NXPH1: variants seen among roughly 807,000 people sequenced by gnomAD.
The protein encoded by NXPH1 is neurexophilin-1.
Under a neutral mutation model 23.7 loss-of-function variants are expected in NXPH1, and 5 were observed. The observed-to-expected ratio is 0.21, with a 90% CI of 0.11 to 0.44. NXPH1 has a LOEUF of 0.44. NXPH1 is among the 20% of genes least tolerant of loss of function. The pLI is 0.99. For missense variants in NXPH1, 324 were observed against 321.6 expected, an observed-to-expected ratio of 1.01 and a Z score of -0.06; for synonymous variants, 144 against 122.2, an observed-to-expected ratio of 1.18 and a Z score of -1.18.
intron 2 of NXPH1, among the ~76,000 whole-genome samples, chr7:8,748,668 G>C (rs988381652): frequency 6.6e-6 from 1 of 152,204 alleles, no homozygotes. Flanking sequence ...GATCACAGCA[G>C]ATGCAACTGT....
At chr7:8,485,567 C>A (rs1817145685) in intron 2 of NXPH1, among the ~76,000 whole-genome samples, 1 of 152,026 alleles carries the variant, frequency 6.6e-6, no homozygotes, top group Non-Finnish European at 1.5e-5. Flanking sequence ...TTCTCCGGGC[C>A]CCATGAGCTC....
chr7:8,709,990 G>A (rs1779762044), intron 2 of NXPH1, among the ~76,000 whole-genome samples: 1 of 152,172 alleles, frequency 6.6e-6, no homozygotes, highest in African/African-American at 2.4e-5. Context: ...TGCTAAGAGA[G>A]GGGTAATCAA....
chr7:8,579,657 C>T (rs1818828249), intron 2 of NXPH1, among the ~76,000 whole-genome samples: 1 of 152,172 alleles, frequency 6.6e-6, no homozygotes. Context: ...TAGGCGTGAG[C>T]CACCACGCCT....
At chr7:8,474,158 T>C (rs1416136718) in intron 2 of NXPH1, among the ~76,000 whole-genome samples, 2 of 152,162 alleles carry the variant, frequency 1.3e-5, no homozygotes, top group Non-Finnish European at 2.9e-5. Context: ...GATGTTTATT[T>C]TCCTTATTGT....
intron 2 of NXPH1, among the ~76,000 whole-genome samples, chr7:8,750,381 A>G (rs1780543221): frequency 6.6e-6 from 1 of 152,190 alleles, no homozygotes; most frequent in South Asian, 2.1e-4. Flanking sequence ...GGTTTGTTAC[A>G]CAAGCATACA....
At chr7:8,485,175 A>G (rs1817138617) in intron 2 of NXPH1, among the ~76,000 whole-genome samples, 1 of 152,104 alleles carries the variant, frequency 6.6e-6, no homozygotes, top group South Asian at 2.1e-4. Context: ...GTGATAGTGA[A>G]TGAGTCTCAT....
chr7:8,457,913 C>G (rs1816627768), intron 2 of NXPH1, among the ~76,000 whole-genome samples: 1 of 152,084 alleles, frequency 6.6e-6, no homozygotes, highest in South Asian at 2.1e-4. Flanking sequence ...TTTCAAGAAC[C>G]AAGGCCAGGA....
chr7:8,474,265 A>G (rs944127720), intron 2 of NXPH1, among the ~76,000 whole-genome samples: 1 of 152,078 alleles, frequency 6.6e-6, no homozygotes, highest in Non-Finnish European at 1.5e-5. Context: ...CTTTCTCTTC[A>G]GTTGGTGCAA....
intron 2 of NXPH1, among the ~76,000 whole-genome samples, chr7:8,679,114 A>C: frequency 6.6e-6 from 1 of 151,124 alleles, no homozygotes; most frequent in East Asian, 2.0e-4. Context: ...CGCCCGGCTA[A>C]TTTTTTGTAT....
At chr7:8,537,599 G>A (rs1305828627) in intron 2 of NXPH1, among the ~76,000 whole-genome samples, 2 of 151,914 alleles carry the variant, frequency 1.3e-5, no homozygotes, top group Admixed American at 6.6e-5. Context: ...CATGACACAT[G>A]GGGATTATGG....
intron 2 of NXPH1, among the ~76,000 whole-genome samples, chr7:8,453,628 T>C (rs1050078723): frequency 2.0e-5 from 3 of 152,178 alleles, no homozygotes; most frequent in East Asian, 3.8e-4. Flanking sequence ...ATATTGGTAC[T>C]ACTGCATCTC....
intron 2 of NXPH1, among the ~76,000 whole-genome samples, chr7:8,559,957 A>T (rs554138587): frequency 6.6e-6 from 1 of 151,706 alleles, no homozygotes; most frequent in Non-Finnish European, 1.5e-5. Flanking sequence ...GATTATTGAT[A>T]TCTACCATGA....
intron 2 of NXPH1, among the ~76,000 whole-genome samples, chr7:8,635,896 T>C (rs997568108): frequency 6.6e-6 from 1 of 152,186 alleles, no homozygotes; most frequent in Admixed American, 6.5e-5. Flanking sequence ...TGTGTACTAA[T>C]TGTACCTCCT....
intron 2 of NXPH1, among the ~76,000 whole-genome samples, chr7:8,526,661 A>T (rs1243467195): frequency 1.3e-5 from 2 of 152,160 alleles, no homozygotes; most frequent in Non-Finnish European, 2.9e-5. Context: ...AATAAGTCTC[A>T]TGAGATCTGA....
At chr7:8,678,961 TTTG>T (rs1562452137) in intron 2 of NXPH1, among the ~76,000 whole-genome samples, 392 of 87,886 alleles carry the variant, frequency 4.5e-3, no homozygotes, top group South Asian at 7.9e-3. Flanking sequence ...TTTTTTTTTT[TTTG>T]TTGAGACGGA....
chr7:8,736,931 A>G (rs188571753), intron 2 of NXPH1, among the ~76,000 whole-genome samples: 307 of 149,690 alleles, frequency 2.1e-3, no homozygotes, highest in Non-Finnish European at 3.0e-3. Flanking sequence ...CTGTTTTCTC[A>G]GAGACTAGGA....
At chr7:8,677,191 T>C (rs941250752) in intron 2 of NXPH1, among the ~76,000 whole-genome samples, 1 of 152,190 alleles carries the variant, frequency 6.6e-6, no homozygotes, top group Non-Finnish European at 1.5e-5. Context: ...AGGGCAGTTT[T>C]TGAAGAAATT....
intron 2 of NXPH1, among the ~76,000 whole-genome samples, chr7:8,617,528 G>A (rs773071726): frequency 1.3e-5 from 2 of 151,996 alleles, no homozygotes; most frequent in Non-Finnish European, 2.9e-5. Context: ...ACTGGAGATC[G>A]TTACATTAAG....
intron 2 of NXPH1, among the ~76,000 whole-genome samples, chr7:8,518,872 G>C (rs1401958010): frequency 6.6e-6 from 1 of 152,104 alleles, no homozygotes; most frequent in Non-Finnish European, 1.5e-5. Flanking sequence ...ATAGGGGCAA[G>C]TTCTTAAATT....
Sources: gnomAD v4.1 joint callset for allele counts (sites outside exome capture counted in the v4.1 genomes callset) on GRCh38, gnomAD v4.1.1 for gene constraint, MANE v1.5 for transcripts, NCBI Gene and HGNC (gene_info 2026-07-23, HGNC 2026-07-21) for gene names.